NKX3-2: variants seen among roughly 807,000 people sequenced by gnomAD.
NKX3-2 encodes the protein NK3 homeobox 2.
A neutral mutation model predicts 19.4 loss-of-function variants in NKX3-2; 13 were observed. That is an observed-to-expected ratio of 0.67 (90% CI 0.44 to 1.07). The LOEUF (loss-of-function observed/expected upper bound fraction) is 1.07, where lower values mean the gene tolerates loss of function less well. Ranked by LOEUF, NKX3-2 falls within the 50% of genes least tolerant of loss-of-function variation. NKX3-2 has a pLI of 0.00. For synonymous variants in NKX3-2, 269 were observed against 230.5 expected, an observed-to-expected ratio of 1.17 and a Z score of -1.51; for missense variants, 562 against 488.2, an observed-to-expected ratio of 1.15 and a Z score of -1.42.
chr4:13,543,828 A>G lies in NKX3-2; in HGVS notation c.466+121T>C. On this transcript the variant is annotated intron_variant, in intron 1 of 1. Transcript: ENST00000382438. The surrounding 1 kb of genome is among the most constrained non-coding windows in gnomAD (Gnocchi z 7.1). ...TCGCGCCAGAGCGCAGAACTTCGGG[A>G]TTTGGCCAGCCTCCGAGCCCCAGGG... is the stretch of plus-strand genomic sequence containing the variant. The G allele has an allele frequency of 1.1e-6, 1 of 932,598 alleles. No individual in the cohort carries two copies. The highest frequency in any genetic ancestry group is 1.5e-6 in the Non-Finnish European group (1 of 655,422). 57.8% of individuals were successfully genotyped at this position (932,598 alleles called of 1,614,324 possible). A position where few individuals can be genotyped will look rare whatever the true frequency, so the allele number is the denominator to read the frequency against.
rs573106894 is a variant in NKX3-2, at chr4:13,543,148, C to G, written c.467-620G>C. On this transcript the variant is annotated intron_variant, in intron 1 of 1. Transcript: ENST00000382438. This position sits in a 1 kb window ranked among gnomAD's most constrained non-coding sequence, Gnocchi z 7.1. ...TAAAGAGGGAGGGTTGCCCCTGCAT[C>G]GAGTTTTTGGACCCTGATCCCACAC... 4.6e-5 allele frequency among the ~76,000 whole-genome samples: 7 copies of G among 152,122 alleles called. No homozygotes were observed. The South Asian group carries it at 1.5e-3, about 32-fold the overall frequency.
Position 13,541,585 on chromosome 4 carries a change from C to T in NKX3-2, c.*408G>A. ...GCATGGATACCATGAACTAGTGTGG[C>T]CTAGTGCAGAAAGCTCCCAGCAGGC... is the stretch of plus-strand genomic sequence containing the variant. On this transcript the variant is annotated 3_prime_UTR_variant, in exon 2 of 2. Coordinates refer to ENST00000382438, the MANE Select transcript of NKX3-2 (RefSeq NM_001189.4). 5.2e-6 allele frequency: 1 copy of T among 193,382 alleles called. No homozygotes were observed. The highest frequency in any genetic ancestry group is 1.0e-5 in the Non-Finnish European group (1 of 95,366). The allele number at this position is 193,382 out of a possible 1,614,324, so 12.0% of individuals were successfully genotyped here.
In NKX3-2 at chr4:13,544,252, A is replaced by C; in HGVS notation, c.163T>G (p.Phe55Val). 2 of 1,578,564 alleles carry C rather than the reference A, an allele frequency of 1.3e-6. No individual in the cohort carries two copies. Among genetic ancestry groups the C allele is most frequent in the Non-Finnish European group, 1.7e-6 (2 of 1,170,984 alleles). The change falls in exon 1 of 2, where the codon TTT becomes GTT. Residue 55 changes from phenylalanine to valine, a missense_variant. Transcript: ENST00000382438. ...AAPAVCCWRLFGERDAGALGG... is the reference protein window; with the variant it reads ...AAPAVCCWRLVGERDAGALGG... ...AACGCGCCCGCGTCCCTCTCCCCAA[A>C]GAGCCGCCAACAGCAGACAGCGGGA...
Position 13,544,461 on chromosome 4 carries a change from C to A in NKX3-2, c.-47G>T. 12 of 1,358,186 alleles carry A rather than the reference C, an allele frequency of 8.8e-6. No individual in the cohort carries two copies. The highest frequency in any genetic ancestry group is 1.6e-5 in the South Asian group (1 of 61,584). The allele number at this position is 1,358,186 out of a possible 1,614,324, so 84.1% of individuals were successfully genotyped here. A position where few individuals can be genotyped will look rare whatever the true frequency, so the allele number is the denominator to read the frequency against. ...CCGGCGGGGCGGGCAGCTGGGGCGC[C>A]GAGCAGCTCCGAGCGGGACAGAGAG... On this transcript the variant is annotated 5_prime_UTR_variant, in exon 1 of 2. Transcript: ENST00000382438.
Position 13,541,807 on chromosome 4 carries a change from G to C in NKX3-2, c.*186C>G, listed in dbSNP as rs1310687109. On this transcript the variant is annotated 3_prime_UTR_variant, in exon 2 of 2. Coordinates refer to ENST00000382438, the MANE Select transcript of NKX3-2 (RefSeq NM_001189.4). ...GTGCCTCTGTTCAAATTAGAAAAAG[G>C]CGCCCCCTCAGGGCAGACTCAGCCC... 2.3e-6 allele frequency: 2 copies of C among 863,564 alleles called. No homozygotes were observed. Among genetic ancestry groups the C allele is most frequent in the Non-Finnish European group, 1.7e-6 (1 of 582,932 alleles). 53.5% of individuals were successfully genotyped at this position (863,564 alleles called of 1,614,324 possible). A position where few individuals can be genotyped will look rare whatever the true frequency, so the allele number is the denominator to read the frequency against.
Position 13,541,742 on chromosome 4 carries a change from CT to C in NKX3-2, c.*250del. On this transcript the variant is annotated 3_prime_UTR_variant, in exon 2 of 2. Transcript: ENST00000382438. Reference sequence around the variant, plus strand: ...CATGATAATAAATAGAGCCCAGGGGCTTCCAGGCAGGTGGGCGATCAGGGCC... The same window carrying C: ...CATGATAATAAATAGAGCCCAGGGGCTCCAGGCAGGTGGGCGATCAGGGCC... 2.0e-6 allele frequency: 1 copy of C among 498,094 alleles called. No individual in the cohort carries two copies. The highest frequency in any genetic ancestry group is 3.5e-6 in the Non-Finnish European group (1 of 282,216). The allele number at this position is 498,094 out of a possible 1,614,324, so 30.9% of individuals were successfully genotyped here.
At position 13,542,340 on chromosome 4, in the gene NKX3-2, A is replaced by C. The variant is rs767938454; in HGVS notation, c.655T>G (p.Phe219Val). ...SRAAFSHAQV[F>V]ELERRFNHQR... ...TGGTTAAAGCGGCGCTCCAGCTCGA[A>C]GACCTGCGCGTGGGAGAAAGCGGCC... The change falls in exon 2 of 2, where the codon TTC becomes GTC. Residue 219 changes from phenylalanine to valine, a missense_variant. Transcript: ENST00000382438. The surrounding 1 kb of genome is among the most constrained non-coding windows in gnomAD (Gnocchi z 6.4). The C allele has an allele frequency of 6.4e-7, 1 of 1,561,806 alleles. No individual in the cohort carries two copies. The highest frequency in any genetic ancestry group is 1.2e-5 in the South Asian group (1 of 86,312).
upstream of NKX3-2, among the ~76,000 whole-genome samples, chr4:13,545,248 C>T (rs148756386): frequency 1.8e-3 from 271 of 152,334 alleles, 1 homozygote; most frequent in Non-Finnish European, 2.6e-3. Flanking sequence ...CCTCGAAGCA[C>T]CCTCCAGCAA....
At chr4:13,546,809 T>A, upstream of NKX3-2, 7 of 405,986 alleles carry the variant, frequency 1.7e-5, no homozygotes, top group South Asian at 1.2e-4. Flanking sequence ...ATTCGATGTT[T>A]AAAAAGAATC....
In NKX3-2 at chr4:13,542,433, C is replaced by G. The variant is rs780147897; in HGVS notation, c.562G>C (p.Gly188Arg). ...TCCTCCTCCGCGACGCCTGCCGGCCCGCTGCCGCCCCCGCCGCCGGCCCCG... is the reference window on the plus strand; with the variant it reads ...TCCTCCTCCGCGACGCCTGCCGGCCGGCTGCCGCCCCCGCCGCCGGCCCCG... ...CSGAGGGGGS[G>R]PAGVAEEEEE... Residue 188 changes from glycine (G) to arginine (R), a missense_variant, in exon 2 of 2, where the codon GGG (glycine) becomes CGG (arginine). By Grantham distance (125) the Gly-to-Arg change is moderately radical (BLOSUM62 -2). Transcript: ENST00000382438. This position sits in a 1 kb window ranked among gnomAD's most constrained non-coding sequence, Gnocchi z 6.4. 1.3e-6 allele frequency: 2 copies of G among 1,553,210 alleles called. No individual in the cohort carries two copies. The highest frequency in any genetic ancestry group is 8.6e-7 in the Non-Finnish European group (1 of 1,156,792).
rs910553841 is a variant in NKX3-2 at position 13,540,866 on chromosome 4, A to G, written c.*1127T>C. ...TAAAAGTTTATAAATTAAAGAAAAA[A>G]TACAGCGAATAGAGCTTCCAAACTT... On this transcript the variant is annotated 3_prime_UTR_variant, in exon 2 of 2. Transcript: ENST00000382438. The G allele has an allele frequency of 3.3e-5, 5 of 152,262 alleles. No homozygotes were observed. Among genetic ancestry groups the G allele is most frequent in the African/African-American group, 1.2e-4 (5 of 41,466 alleles). 9.4% of individuals were successfully genotyped at this position (152,262 alleles called of 1,614,324 possible). A position where few individuals can be genotyped will look rare whatever the true frequency, so the allele number is the denominator to read the frequency against.
chr4:13,546,276 T>G (rs1026342734), upstream of NKX3-2: 1 of 152,678 alleles, frequency 6.5e-6, no homozygotes, highest in African/African-American at 2.4e-5. Flanking sequence ...GCATTTCGGT[T>G]ACATGATGCT....
Position 13,543,025 on chromosome 4 carries a change from G to A in NKX3-2, c.467-497C>T, listed in dbSNP as rs1365281580. Among the ~76,000 whole-genome samples, 1 of 152,030 alleles carries A rather than the reference G, an allele frequency of 6.6e-6. No individual in the cohort carries two copies. The highest frequency in any genetic ancestry group is 6.5e-5 in the Admixed American group (1 of 15,268). ...GGTGGAGGCGGATCCTGGGGCCAAAGGTATTTAGAATCTTTCACCCTCAGC... is the reference window on the plus strand; with the variant it reads ...GGTGGAGGCGGATCCTGGGGCCAAAAGTATTTAGAATCTTTCACCCTCAGC... On this transcript the variant is annotated intron_variant, in intron 1 of 1. Coordinates refer to ENST00000382438, the MANE Select transcript of NKX3-2 (RefSeq NM_001189.4). The surrounding 1 kb of genome is among the most constrained non-coding windows in gnomAD (Gnocchi z 7.1).
Position 13,544,063 on chromosome 4 carries a change from G to C in NKX3-2, c.352C>G (p.Leu118Val). The C allele has an allele frequency of 6.4e-7, 1 of 1,574,530 alleles. No homozygotes were observed. Among genetic ancestry groups the C allele is most frequent in the Non-Finnish European group, 8.6e-7 (1 of 1,162,982 alleles). Residue 118 changes from leucine to valine, a missense_variant, in exon 1 of 2, where the codon CTT becomes GTT. Physicochemically the swap from Leu to Val is conservative, Grantham distance 32 (BLOSUM62 1). Transcript: ENST00000382438. ...ADARGASGAG[L>V]AGGSLSLGQP... ...CCGAGGCTCAAGGATCCCCCCGCAAGGCCGGCCCCGCTGGCCCCCCGCGCG... is the reference window on the plus strand; with the variant it reads ...CCGAGGCTCAAGGATCCCCCCGCAACGCCGGCCCCGCTGGCCCCCCGCGCG...
Position 13,543,951 on chromosome 4 carries a change from G to A in NKX3-2, c.464C>T (p.Ser155Leu). The change falls in exon 1 of 2, where the codon TCA becomes TTA. Residue 155 changes from serine (S) to leucine (L), a missense_variant and splice_region_variant. By Grantham distance (145) the Ser-to-Leu change is moderately radical (BLOSUM62 -2). Transcript: ENST00000382438. The surrounding 1 kb of genome is among the most constrained non-coding windows in gnomAD (Gnocchi z 7.1). ...RSDSEMSASV[S>L]GDRSPRTEDD... The stretch of plus-strand genomic sequence containing the variant: ...ATCCCCGCGAAGCCGCAGCAGACCT[G>A]AGACGCTGGCGGACATCTCGCTGTC... 6.5e-7 allele frequency: 1 copy of A among 1,544,690 alleles called. No individual in the cohort carries two copies. The highest frequency in any genetic ancestry group is 1.2e-5 in the South Asian group (1 of 82,728).
At position 13,542,140 on chromosome 4, in the gene NKX3-2, C is replaced by T; in HGVS notation, c.855G>A (p.Leu285=). Residue 285 remains leucine, a synonymous_variant, in exon 2 of 2, where the codon CTG becomes CTA. Transcript: ENST00000382438. This position sits in a 1 kb window ranked among gnomAD's most constrained non-coding sequence, Gnocchi z 6.4. ...GGTATTGTCTCTGGTCGTCGCGCACCAGCACCTTTACGGCCACCTTCTTGG... is the reference window on the plus strand; with the variant it reads ...GGTATTGTCTCTGGTCGTCGCGCACTAGCACCTTTACGGCCACCTTCTTGG... ...PAAKKVAVKV[L]VRDDQRQYLP... The T allele has an allele frequency of 6.2e-7, 1 of 1,612,408 alleles. No homozygotes were observed. The highest frequency in any genetic ancestry group is 8.5e-7 in the Non-Finnish European group (1 of 1,179,210).
chr4:13,545,749 CAATTT>C (rs1238150109), upstream of NKX3-2, among the ~76,000 whole-genome samples: 1 of 151,820 alleles, frequency 6.6e-6, no homozygotes, highest in African/African-American at 2.4e-5. Flanking sequence ...AAAAAACTTT[CAATTT>C]GTTTTTTTTA....
Position 13,544,211 on chromosome 4 carries a change from G to T in NKX3-2, c.204C>A (p.Asp68Glu), listed in dbSNP as rs201112176. Reference protein sequence around the residue: ...RDAGALGGAEDSLLASPAGTR... With the variant: ...RDAGALGGAEESLLASPAGTR... ...TACCGGCAGGAGACGCCAGCAGAGAGTCCTCGGCGCCCCCCAACGCGCCCG... is the reference window on the plus strand; with the variant it reads ...TACCGGCAGGAGACGCCAGCAGAGATTCCTCGGCGCCCCCCAACGCGCCCG... Residue 68 changes from aspartate to glutamate, a missense_variant, in exon 1 of 2, where the codon GAC (aspartate) becomes GAA (glutamate). Physicochemically the swap from Asp to Glu is conservative, Grantham distance 45. Transcript: ENST00000382438. The T allele has an allele frequency of 1.4e-4, 230 of 1,596,928 alleles. 2 individuals carry two copies. The highest frequency in any genetic ancestry group is 6.8e-6 in the Non-Finnish European group (8 of 1,177,840).
In NKX3-2 at chr4:13,542,086, C is replaced by A. The variant is rs750059303; in HGVS notation, c.909G>T (p.Ser303=). ...AGTAGGAGGGCTGCAGTGGCAGAAGCGAGGGTGGCCGCAGCACTTCGCCGG... is the reference window on the plus strand; with the variant it reads ...AGTAGGAGGGCTGCAGTGGCAGAAGAGAGGGTGGCCGCAGCACTTCGCCGG... The part of the protein sequence containing the change: ...YLPGEVLRPP[S]LLPLQPSYYY... The change falls in exon 2 of 2, where the codon TCG becomes TCT. Residue 303 remains serine (S), a synonymous_variant. Coordinates refer to ENST00000382438, the MANE Select transcript of NKX3-2 (RefSeq NM_001189.4). This position sits in a 1 kb window ranked among gnomAD's most constrained non-coding sequence, Gnocchi z 6.4. 12 of 1,606,254 alleles carry A rather than the reference C, an allele frequency of 7.5e-6. No individual in the cohort carries two copies. The highest frequency in any genetic ancestry group is 1.0e-5 in the Non-Finnish European group (12 of 1,174,796).
Sources: allele counts gnomAD v4.1 joint callset (sites outside exome capture counted in the v4.1 genomes callset), GRCh38; gene constraint gnomAD v4.1.1; non-coding constraint Gnocchi (gnomAD v3.1); transcripts MANE v1.5; gene names NCBI Gene and HGNC (gene_info 2026-07-23, HGNC 2026-07-21).